The following CFAP45 variants were observed in gnomAD, a reference collection of about 807,000 sequenced individuals.
CFAP45 encodes the protein cilia- and flagella-associated protein 45.
In CFAP45, 43 loss-of-function variants were observed where a neutral mutation model predicts 75.6. The observed-to-expected ratio is 0.57, with a 90% CI of 0.45 to 0.73. The LOEUF (loss-of-function observed/expected upper bound fraction) is 0.73. Among genes scored for constraint, CFAP45 ranks in the 30% least tolerant of loss-of-function variants. CFAP45 has a pLI of 0.00. For missense variants in CFAP45, 689 were observed against 701.5 expected (o/e 0.98, Z 0.20); for synonymous variants, 223 against 244.6 (o/e 0.91, Z 0.82).
intron 8 of CFAP45, among the ~76,000 whole-genome samples, chr1:159,878,190 G>A (rs1166317619): frequency 1.3e-5 from 2 of 152,146 alleles, no homozygotes; most frequent in Non-Finnish European, 2.9e-5. Flanking sequence ...AAGGCTACTG[G>A]GCCAAGAAAC....
At chr1:159,887,769 A>C in intron 5 of CFAP45, 72 bp downstream of exon 5, 7 of 1,178,564 alleles carry the variant, frequency 5.9e-6, no homozygotes, top group East Asian at 6.7e-5. Context: ...GGCCTTGTCC[A>C]GTGCGGGAAT....
At position 159,873,019 on chromosome 1, in the gene CFAP45, C is replaced by T. The variant is rs368314687; in HGVS notation, c.1502G>A (p.Arg501Gln). The change falls in exon 11 of 12, where the codon CGG becomes CAG. Residue 501 changes from arginine (R) to glutamine (Q), a missense_variant. By Grantham distance (43) the Arg-to-Gln change is conservative. Coordinates refer to ENST00000368099, the MANE Select transcript of CFAP45 (RefSeq NM_012337.3). ...TTTCTGGGCCTCCTCTTTGAGGCGC[C>T]GGCCCTCCTCAAAGGTGGCAATCCG... ...QNRIATFEEG[R>Q]RLKEEAQKRR... The T allele has an allele frequency of 2.9e-5, 47 of 1,614,100 alleles. No individual in the cohort carries two copies. The East Asian group carries it at 5.3e-4, about 18-fold the overall frequency.
rs201186739 is a variant in CFAP45 at position 159,873,003 on chromosome 1, C to T, written c.1518G>A (p.Glu506=). The change falls in exon 11 of 12, where the codon GAG becomes GAA. Residue 506 remains glutamate, a synonymous_variant. Coordinates refer to ENST00000368099, the MANE Select transcript of CFAP45 (RefSeq NM_012337.3). ...CGATGCGCTCACGGCGTTTCTGGGC[C>T]TCCTCTTTGAGGCGCCGGCCCTCCT... ...TFEEGRRLKE[E]AQKRRERIDE... 6.2e-7 allele frequency: 1 copy of T among 1,614,242 alleles called. No individual in the cohort carries two copies. The highest frequency in any genetic ancestry group is 1.3e-5 in the African/African-American group (1 of 75,068).
At chr1:159,874,099 G>A (rs1571177575) in intron 10 of CFAP45, among the ~76,000 whole-genome samples, 1 of 152,174 alleles carries the variant, frequency 6.6e-6, no homozygotes, top group South Asian at 2.1e-4. Flanking sequence ...ATGGCAACAG[G>A]AAAGGCTCAG....
intron 7 of CFAP45, among the ~76,000 whole-genome samples, chr1:159,882,450 A>T (rs2501327): frequency 0.78 from 119,229 of 152,100 alleles, 46,791 homozygotes; most frequent in Admixed American, 0.85. Context: ...GCTCATTTCA[A>T]TTCCAAGACA....
At chr1:159,873,656 T>C (rs867843378) in intron 10 of CFAP45, among the ~76,000 whole-genome samples, 6 of 152,200 alleles carry the variant, frequency 3.9e-5, no homozygotes, top group African/African-American at 1.4e-4. Context: ...TTATTATTTG[T>C]AGAGATGAAG....
intron 1 of CFAP45, chr1:159,898,262 T>TG: frequency 1.0e-6 from 1 of 984,914 alleles, no homozygotes; most frequent in South Asian, 4.7e-5. Flanking sequence ...GGGACCAAGT[T>TG]GGCCATCTGT....
At chr1:159,884,312 T>C in intron 7 of CFAP45, 124 bp downstream of exon 7, 1 of 975,836 alleles carries the variant, frequency 1.0e-6, no homozygotes, top group Non-Finnish European at 1.5e-6. Flanking sequence ...AAGTTGACGG[T>C]GATGATGTTG....
chr1:159,892,834 A>G (rs929934734), intron 2 of CFAP45, among the ~76,000 whole-genome samples: 17 of 152,164 alleles, frequency 1.1e-4, no homozygotes, highest in African/African-American at 3.9e-4. Context: ...AGATGTTGCT[A>G]TTGTCTGCAA....
chr1:159,898,250 T>C (rs780417113), intron 1 of CFAP45: 8 of 985,340 alleles, frequency 8.1e-6, no homozygotes, highest in Non-Finnish European at 9.6e-6. Flanking sequence ...CTTTCTTCAA[T>C]TGGGACCAAG....
intron 1 of CFAP45, among the ~76,000 whole-genome samples, chr1:159,894,341 A>T (rs1649899481): frequency 6.6e-6 from 1 of 152,224 alleles, no homozygotes; most frequent in Non-Finnish European, 1.5e-5. Flanking sequence ...AGACACGCAC[A>T]GTGTCCCCTT....
chr1:159,899,751 G>T (rs1010630311), intron 1 of CFAP45, among the ~76,000 whole-genome samples: 2 of 152,196 alleles, frequency 1.3e-5, no homozygotes, highest in East Asian at 3.9e-4. Context: ...ACAGGCGTAA[G>T]CCACCGCGCC....
intron 6 of CFAP45, among the ~76,000 whole-genome samples, chr1:159,885,061 G>C (rs1649643821): frequency 6.6e-6 from 1 of 152,226 alleles, no homozygotes; most frequent in African/African-American, 2.4e-5. Flanking sequence ...TGACATATGA[G>C]TAAAGGCTGG....
Position 159,898,791 on chromosome 1 carries a change from T to C in CFAP45, c.3+1305A>G, listed in dbSNP as rs147732041. ...TACATACGCCACTGTGTTTGTAAGG[T>C]GCTGAGAGAAGATGGGACACTGAAT... On this transcript the variant is annotated intron_variant, in intron 1 of 11. Coordinates refer to ENST00000368099, the MANE Select transcript of CFAP45 (RefSeq NM_012337.3). Among the ~76,000 whole-genome samples the C allele has an allele frequency of 1.2e-4, 19 of 152,268 alleles. 1 individual carries two copies. Among genetic ancestry groups the C allele is most frequent in the African/African-American group, 3.9e-4 (16 of 41,546 alleles).
intron 3 of CFAP45, among the ~76,000 whole-genome samples, chr1:159,889,135 T>G (rs1232861797): frequency 6.6e-6 from 1 of 152,214 alleles, no homozygotes; most frequent in Non-Finnish European, 1.5e-5. Flanking sequence ...ACTGTAAATA[T>G]TAATTAAAAT....
rs752205865 is a variant in CFAP45 at position 159,893,163 on chromosome 1, G to C, written c.129+17C>G. On this transcript the variant is annotated intron_variant, in intron 2 of 11. Transcript: ENST00000368099. Reference sequence around the variant, plus strand: ...CCTGCAGGTGGCATCAACTTGAAAGGACTTGTTGAGGATTACCTTGATATC... The same window carrying C: ...CCTGCAGGTGGCATCAACTTGAAAGCACTTGTTGAGGATTACCTTGATATC... 1 of 1,613,090 alleles carries C rather than the reference G, an allele frequency of 6.2e-7. No homozygotes were observed. The highest frequency in any genetic ancestry group is 8.5e-7 in the Non-Finnish European group (1 of 1,179,408).
At chr1:159,875,147 T>C (rs189527344) in intron 10 of CFAP45, among the ~76,000 whole-genome samples, 5 of 152,380 alleles carry the variant, frequency 3.3e-5, no homozygotes, top group Admixed American at 3.3e-4. Context: ...CTAGTGCATA[T>C]GCTTCAGGCA....
At chr1:159,886,820 T>A in intron 5 of CFAP45, 131 bp from the exon 6 acceptor site, 1 of 726,284 alleles carries the variant, frequency 1.4e-6, no homozygotes, top group South Asian at 1.7e-5. Context: ...TCCGGGGAAA[T>A]AAGAATGTTC....
rs376267163 is a variant in CFAP45, at chr1:159,877,479, C to A, written c.1045-17G>T. On this transcript the variant is annotated splice_polypyrimidine_tract_variant and intron_variant, in intron 8 of 11. Coordinates refer to ENST00000368099, the MANE Select transcript of CFAP45 (RefSeq NM_012337.3). ...TTCTCGAGCCTGCCGGAAGGAAAGGCCTTGTAGAATAGTTGCCATTGCCCC... is the reference window on the plus strand; with the variant it reads ...TTCTCGAGCCTGCCGGAAGGAAAGGACTTGTAGAATAGTTGCCATTGCCCC... 1.8e-5 allele frequency: 28 copies of A among 1,577,446 alleles called. No homozygotes were observed. In the Middle Eastern group the frequency reaches 1.0e-3, roughly 56 times the overall value.
Sources: gnomAD v4.1 joint callset for allele counts (sites outside exome capture counted in the v4.1 genomes callset) on GRCh38, gnomAD v4.1.1 for gene constraint, MANE v1.5 for transcripts, NCBI Gene and HGNC (gene_info 2026-07-23, HGNC 2026-07-21) for gene names.